Variants in TMEM130 observed in about 807,000 individuals in gnomAD.
TMEM130 encodes the protein transmembrane protein 130.
TMEM130 carries 37 observed loss-of-function variants against 42.9 expected under a neutral mutation model. That is an observed-to-expected ratio of 0.86 (90% CI 0.66 to 1.13). The LOEUF is 1.13. Among genes scored for constraint, TMEM130 ranks in the 50% most tolerant of loss-of-function variants. The pLI is 0.00. For missense variants in TMEM130, 545 were observed against 562.6 expected, an observed-to-expected ratio of 0.97 and a Z score of 0.32; for synonymous variants, 259 against 237.7, an observed-to-expected ratio of 1.09 and a Z score of -0.82.
At chr7:98,855,790 AG>A (rs1554398852) in intron 4 of TMEM130, among the ~76,000 whole-genome samples, 1 of 152,164 alleles carries the variant, frequency 6.6e-6, no homozygotes, top group East Asian at 1.9e-4. Flanking sequence ...AGGCTCTGGG[AG>A]CAGGCAGCCC....
chr7:98,868,116 C>A (rs1236979400), intron 1 of TMEM130, among the ~76,000 whole-genome samples: 1 of 152,218 alleles, frequency 6.6e-6, no homozygotes, highest in Non-Finnish European at 1.5e-5. Flanking sequence ...GTAATCCCAG[C>A]TACTTGGGAG....
At chr7:98,868,345 C>G (rs575228878) in intron 1 of TMEM130, among the ~76,000 whole-genome samples, 23 of 152,318 alleles carry the variant, frequency 1.5e-4, no homozygotes, top group African/African-American at 5.1e-4. Flanking sequence ...ACCCAGAGCT[C>G]AAGGGGCAAA....
chr7:98,851,695 A>G (rs1554398309), intron 5 of TMEM130, 72 bp from the exon 6 acceptor site: 4 of 1,398,804 alleles, frequency 2.9e-6, no homozygotes, highest in Non-Finnish European at 2.9e-6. Context: ...AGTCCAAGAC[A>G]GGCCAGGTGG....
chr7:98,859,042 G>A (rs1794696207), intron 3 of TMEM130, among the ~76,000 whole-genome samples: 1 of 142,680 alleles, frequency 7.0e-6, no homozygotes, highest in Non-Finnish European at 1.5e-5. Context: ...AGGAAGAAAG[G>A]AAGGGAGAAA....
At chr7:98,855,356 G>A in intron 4 of TMEM130, 32 bp from the exon 5 acceptor site, 1 of 1,591,576 alleles carries the variant, frequency 6.3e-7, no homozygotes, top group Non-Finnish European at 8.6e-7. Context: ...GTTAGACCTG[G>A]TGGCTAAGGA....
intron 6 of TMEM130, among the ~76,000 whole-genome samples, chr7:98,849,530 A>G (rs1313469262): frequency 6.6e-6 from 1 of 152,172 alleles, no homozygotes; most frequent in African/African-American, 2.4e-5. Context: ...GCAGGGCTCA[A>G]GTGACCTGAT....
chr7:98,856,218 A>G, intron 3 of TMEM130, 35 bp from the exon 4 acceptor site: 3 of 1,604,224 alleles, frequency 1.9e-6, no homozygotes, highest in Non-Finnish European at 2.6e-6. Context: ...GGAGGAAGAC[A>G]GCAGACGGTT....
chr7:98,866,162 T>A (rs1794901469), intron 1 of TMEM130: 1 of 152,148 alleles, frequency 6.6e-6, no homozygotes. Context: ...CAATACAAAA[T>A]TAGCCGGGTG....
chr7:98,863,426 G>A, intron 1 of TMEM130, 26 bp from the exon 2 acceptor site: 2 of 1,541,552 alleles, frequency 1.3e-6, no homozygotes, highest in African/African-American at 2.7e-5. Context: ...CAAAGACTGT[G>A]TTTCAGAATG....
chr7:98,852,283 C>A (rs1584234774), intron 5 of TMEM130, among the ~76,000 whole-genome samples: 1 of 152,246 alleles, frequency 6.6e-6, no homozygotes, highest in East Asian at 1.9e-4. Context: ...GCACACACAA[C>A]CATGCCTGGC....
chr7:98,869,377 C>T lies in TMEM130; in HGVS notation c.85+400G>A. On this transcript the variant is annotated intron_variant, in intron 1 of 7. Coordinates refer to ENST00000339375, the MANE Select transcript of TMEM130 (RefSeq NM_152913.3). The surrounding 1 kb of genome is among the most constrained non-coding windows in gnomAD (Gnocchi z 4.7). The stretch of plus-strand genomic sequence containing the variant: ...GCAAAAACGTTGCCCATCCCGTGCT[C>T]CCTGGGGGACTGGGGAATTGTGGCG... 6 of 1,197,784 alleles carry T rather than the reference C, an allele frequency of 5.0e-6. No homozygotes were observed. The highest frequency in any genetic ancestry group is 1.6e-5 in the African/African-American group (1 of 61,690). 74.2% of individuals were successfully genotyped at this position (1,197,784 alleles called of 1,614,324 possible).
At chr7:98,855,965 G>T in intron 4 of TMEM130, 52 bp downstream of exon 4, 1 of 1,590,096 alleles carries the variant, frequency 6.3e-7, no homozygotes. Flanking sequence ...CTGTGCGTAC[G>T]GTGACCCCAC....
At chr7:98,860,873 G>T (rs944389523) in intron 2 of TMEM130, among the ~76,000 whole-genome samples, 8 of 150,278 alleles carry the variant, frequency 5.3e-5, no homozygotes, top group African/African-American at 1.7e-4. Flanking sequence ...AACCTGGGAG[G>T]CGGAGGTTGC....
rs782600231 is a variant in TMEM130 at position 98,860,269 on chromosome 7, T to C, written c.461A>G (p.Lys154Arg). The change falls in exon 3 of 8, where the codon AAG becomes AGG. Residue 154 changes from lysine to arginine, a missense_variant. By Grantham distance (26) the Lys-to-Arg change is conservative. Transcript: ENST00000339375. ...SLPWPSSYLT[K>R]TVLKVSFLLH... is the part of the protein sequence containing the mutation. ...GAGGAAGGAGACTTTCAGGACGGTC[T>C]TAGTGAGATAGGAGCTGGGCCAGGG... 9 of 1,613,240 alleles carry C rather than the reference T, an allele frequency of 5.6e-6. No individual in the cohort carries two copies. The Admixed American group carries it at 1.5e-4, about 27-fold the overall frequency.
At chr7:98,852,239 C>T (rs1249801894) in intron 5 of TMEM130, among the ~76,000 whole-genome samples, 1 of 152,098 alleles carries the variant, frequency 6.6e-6, no homozygotes, top group Non-Finnish European at 1.5e-5. Context: ...CTCCCGGGTT[C>T]GAGCCTCAGC....
rs181341261 is a variant in TMEM130, at chr7:98,862,950, C to T, written c.391+145G>A. 6.8e-4 allele frequency: 600 copies of T among 888,602 alleles called. 5 individuals are homozygous for T. The African/African-American group carries it at 9.1e-3, about 13-fold the overall frequency. 55.0% of individuals were successfully genotyped at this position (888,602 alleles called of 1,614,324 possible). The stretch of plus-strand genomic sequence containing the variant: ...TGCCATTTTCAGATCCTTTCTAACT[C>T]GACTGACCCGGGGAAGGAACCTACG... On this transcript the variant is annotated intron_variant, in intron 2 of 7. Transcript: ENST00000339375.
In TMEM130 at chr7:98,857,718, A is replaced by AAAAACG. The variant is rs1554399236; in HGVS notation, c.552-1536_552-1535insCGTTTT. Among the ~76,000 whole-genome samples the AAAAACG allele has an allele frequency of 2.8e-5, 3 of 105,586 alleles. No homozygotes were observed. In the South Asian group the frequency reaches 1.1e-3, roughly 39 times the overall value. The allele number at this position is 105,586 out of a possible 152,430, so 69.3% of individuals were successfully genotyped here. A position where few individuals can be genotyped will look rare whatever the true frequency, so the allele number is the denominator to read the frequency against. On this transcript the variant is annotated intron_variant, in intron 3 of 7. Coordinates refer to ENST00000339375, the MANE Select transcript of TMEM130 (RefSeq NM_152913.3). ...CTGTCTCAAAAACAGAAACAAAAAC[A>AAAAACG]CATCCTTTTTTTTTTTTTTTTTTTG...
intron 6 of TMEM130, 142 bp from the exon 7 acceptor site, chr7:98,848,837 G>C: frequency 3.0e-6 from 2 of 657,086 alleles, no homozygotes; most frequent in Non-Finnish European, 5.6e-6. Context: ...ATCCCAACTG[G>C]GCAACCCCAA....
chr7:98,856,654 T>A (rs980427703), intron 3 of TMEM130, among the ~76,000 whole-genome samples: 2 of 152,050 alleles, frequency 1.3e-5, no homozygotes, highest in Admixed American at 6.6e-5. Context: ...TGTACCACTG[T>A]GCCAGGCTAA....
Sources: gnomAD v4.1 joint callset for allele counts (sites outside exome capture counted in the v4.1 genomes callset) on GRCh38, gnomAD v4.1.1 for gene constraint, Gnocchi (gnomAD v3.1) non-coding constraint, MANE v1.5 for transcripts, NCBI Gene and HGNC (gene_info 2026-07-23, HGNC 2026-07-21) for gene names.